The following SOX5 variants were observed in gnomAD, a reference collection of about 807,000 sequenced individuals.
SOX5 encodes transcription factor SOX-5.
SOX5 carries 9 observed loss-of-function variants against 92.0 expected under a neutral mutation model. The observed-to-expected ratio is 0.10, with a 90% confidence interval of 0.06 to 0.17. SOX5 has a LOEUF of 0.17. Ranked by LOEUF, SOX5 falls within the 10% of genes least tolerant of loss-of-function variation. The pLI, the probability that SOX5 is intolerant of heterozygous loss-of-function variation, is 1.00. For synonymous variants in SOX5, 344 were observed against 336.3 expected (o/e 1.02, Z -0.25); for missense variants, 642 against 944.5 (o/e 0.68, Z 4.20).
intron 2 of SOX5, among the ~76,000 whole-genome samples, chr12:24,305,671 C>G (rs1237272963): frequency 6.6e-6 from 1 of 152,192 alleles, no homozygotes; most frequent in Non-Finnish European, 1.5e-5. Context: ...GATCGCGGCT[C>G]ACTGTAACTT....
intron 1 of SOX5, among the ~76,000 whole-genome samples, chr12:24,376,878 ATT>A (rs33940692): frequency 7.1e-6 from 1 of 139,898 alleles, no homozygotes; most frequent in African/African-American, 2.7e-5. Context: ...AATTTTTTGA[ATT>A]TTTTTTTTTT....
intron 4 of SOX5, among the ~76,000 whole-genome samples, chr12:24,081,430 C>T (rs933431869): frequency 2.0e-5 from 3 of 151,958 alleles, no homozygotes; most frequent in Non-Finnish European, 4.4e-5. Context: ...TGAAAGACTT[C>T]ATTTTGGAGC....
intron 4 of SOX5, among the ~76,000 whole-genome samples, chr12:24,171,087 T>C (rs1954031019): frequency 6.6e-6 from 1 of 151,748 alleles, no homozygotes; most frequent in African/African-American, 2.4e-5. Flanking sequence ...GACACTTTGA[T>C]TTATTCCCTA....
intron 1 of SOX5, among the ~76,000 whole-genome samples, chr12:24,529,917 G>A (rs1167107977): frequency 1.3e-5 from 2 of 151,324 alleles, no homozygotes; most frequent in African/African-American, 4.9e-5. Context: ...CTACTCGGGA[G>A]GCTGAGGCAG....
intron 2 of SOX5, among the ~76,000 whole-genome samples, chr12:24,346,316 A>C (rs1475436004): frequency 6.6e-6 from 1 of 152,212 alleles, no homozygotes; most frequent in African/African-American, 2.4e-5. Context: ...AGGGAAAAAT[A>C]TTTCAAAGGA....
chr12:24,047,025 A>C (rs1957103380), intron 4 of SOX5, among the ~76,000 whole-genome samples: 1 of 141,906 alleles, frequency 7.0e-6, no homozygotes, highest in African/African-American at 2.5e-5. Context: ...AACATCTCCA[A>C]CCTATTCAAA....
At chr12:24,537,636 T>C (rs1951755406) in intron 1 of SOX5, among the ~76,000 whole-genome samples, 1 of 152,254 alleles carries the variant, frequency 6.6e-6, no homozygotes, top group South Asian at 2.1e-4. Context: ...TTAGGTTATC[T>C]AGCTATCATC....
intron 2 of SOX5, among the ~76,000 whole-genome samples, chr12:24,339,060 G>T (rs1400223907): frequency 1.3e-5 from 2 of 151,972 alleles, no homozygotes; most frequent in Non-Finnish European, 2.9e-5. Flanking sequence ...GAACAAAGAA[G>T]CCAGCTTCCC....
chr12:23,779,814 T>TACAC (rs1555337311), intron 3 of SOX5, among the ~76,000 whole-genome samples: 17,717 of 110,378 alleles, frequency 0.16, 1,823 homozygotes, highest in East Asian at 0.34. Flanking sequence ...TATATATATA[T>TACAC]ACACACACAC....
intron 2 of SOX5, among the ~76,000 whole-genome samples, chr12:23,856,327 C>T (rs1022644964): frequency 2.0e-4 from 30 of 152,114 alleles, no homozygotes; most frequent in Non-Finnish European, 2.9e-5. Context: ...AGCACCTTTA[C>T]ATTATTAGGC....
chr12:23,908,940 T>C (rs2097322361), intron 1 of SOX5, among the ~76,000 whole-genome samples: 1 of 152,142 alleles, frequency 6.6e-6, no homozygotes, highest in Non-Finnish European at 1.5e-5. Context: ...CCCATTAATC[T>C]TTCTAGTTTT....
intron 6 of SOX5, among the ~76,000 whole-genome samples, chr12:23,728,344 T>C (rs1008678646): frequency 9.9e-5 from 15 of 152,168 alleles, no homozygotes; most frequent in Non-Finnish European, 1.9e-4. Context: ...CTACCTTAAC[T>C]ACACAGTGTT....
intron 1 of SOX5, among the ~76,000 whole-genome samples, chr12:23,929,020 G>GTT (rs35100988): frequency 1.4e-4 from 21 of 151,028 alleles, no homozygotes; most frequent in Admixed American, 2.0e-4. Flanking sequence ...TGCTCTGGTA[G>GTT]TGTTTTTTTA....
At chr12:23,929,881 A>G (rs1941007387) in intron 1 of SOX5, among the ~76,000 whole-genome samples, 1 of 151,984 alleles carries the variant, frequency 6.6e-6, no homozygotes, top group Non-Finnish European at 1.5e-5. Context: ...ATCCATGAAG[A>G]GGATAATAAC....
chr12:24,084,165 A>C (rs1454097933), intron 4 of SOX5, among the ~76,000 whole-genome samples: 2 of 152,114 alleles, frequency 1.3e-5, no homozygotes, highest in Non-Finnish European at 2.9e-5. Flanking sequence ...ATAAGGTTGA[A>C]CTATGTGAAA....
intron 8 of SOX5, among the ~76,000 whole-genome samples, chr12:23,615,270 T>C (rs2076418412): frequency 6.6e-6 from 1 of 152,176 alleles, no homozygotes; most frequent in African/African-American, 2.4e-5. Context: ...TTCAGATCTT[T>C]TGCTTTTTTT....
chr12:24,037,411 A>G (rs1371987468), intron 4 of SOX5, among the ~76,000 whole-genome samples: 2 of 152,182 alleles, frequency 1.3e-5, no homozygotes, highest in Non-Finnish European at 2.9e-5. Flanking sequence ...GATTTTAATC[A>G]ATCATTATGT....
intron 4 of SOX5, among the ~76,000 whole-genome samples, chr12:24,124,101 CT>C (rs1238673662): frequency 6.6e-6 from 1 of 152,082 alleles, no homozygotes; most frequent in East Asian, 1.9e-4. Context: ...TGCTATTTTT[CT>C]TTTTTTAATT....
intron 8 of SOX5, among the ~76,000 whole-genome samples, chr12:23,639,122 A>C (rs1039759632): frequency 3.3e-5 from 5 of 152,060 alleles, no homozygotes; most frequent in African/African-American, 1.2e-4. Context: ...TGGTGTCTAA[A>C]GTTTCTCTTG....
Sources: allele counts gnomAD v4.1 joint callset (sites outside exome capture counted in the v4.1 genomes callset), GRCh38; gene constraint gnomAD v4.1.1; transcripts MANE v1.5; gene names NCBI Gene and HGNC (gene_info 2026-07-23, HGNC 2026-07-21).